Variants in LAMA5 observed in about 807,000 individuals in gnomAD.
The protein encoded by LAMA5 is laminin subunit alpha 5.
In LAMA5, 260 loss-of-function variants were observed where a neutral mutation model predicts 433.4. The observed-to-expected ratio is 0.60, with a 90% CI of 0.54 to 0.66. The LOEUF is 0.66. LAMA5 is among the 30% of genes least tolerant of loss of function. LAMA5 has a pLI of 0.00. For synonymous variants in LAMA5, 2,620 were observed against 2,226.6 expected (o/e 1.18, Z -4.97); for missense variants, 5,378 against 5,258.5 (o/e 1.02, Z -0.70).
chr20:62,320,938 G>A (rs78780333), intron 48 of LAMA5, 48 bp from the exon 49 acceptor site: 8 of 1,567,202 alleles, frequency 5.1e-6, no homozygotes, highest in East Asian at 4.5e-5. Context: ...GTCAGGCCAG[G>A]GGAGAATGAT....
At position 62,312,464 on chromosome 20, in the gene LAMA5, T is replaced by G; in HGVS notation, c.9296A>C (p.Lys3099Thr). The change falls in exon 68 of 80, where the codon AAG becomes ACG. Residue 3099 changes from lysine to threonine, a missense_variant. By Grantham distance (78) the Lys-to-Thr change is moderately conservative (BLOSUM62 -1). Transcript: ENST00000252999. ...GTTCAGCCGCTTGAGGTCCACATAC[T>G]TGCCCAGGGCCTTGATGCCTTTGAC... is the stretch of plus-strand genomic sequence containing the variant. The part of the protein sequence containing the change: ...GCVKGIKALG[K>T]YVDLKRLNTT... 1 of 1,598,334 alleles carries G rather than the reference T, an allele frequency of 6.3e-7. No individual in the cohort carries two copies. The highest frequency in any genetic ancestry group is 8.5e-7 in the Non-Finnish European group (1 of 1,179,620).
In LAMA5 at chr20:62,317,738, T is replaced by A; in HGVS notation, c.7280A>T (p.Gln2427Leu). The A allele has an allele frequency of 6.2e-7, 1 of 1,607,750 alleles. No homozygotes were observed. The highest frequency in any genetic ancestry group is 8.5e-7 in the Non-Finnish European group (1 of 1,178,010). The change falls in exon 54 of 80, where the codon CAG becomes CTG. Residue 2427 changes from glutamine (Q) to leucine (L), a missense_variant. Transcript: ENST00000252999. ...QELSRDNATLQATLHAARDTL... is the reference protein window; with the variant it reads ...QELSRDNATLLATLHAARDTL... ...GTCCCTAGCCGCATGCAGAGTGGCC[T>A]GCAGGGTGGCATTGTCCCGGGACAG...
rs1986230988 is a variant in LAMA5, at chr20:62,311,195, T to C, written c.10055A>G (p.Glu3352Gly). The C allele has an allele frequency of 1.9e-6, 3 of 1,607,864 alleles. No individual in the cohort carries two copies. Among genetic ancestry groups the C allele is most frequent in the Non-Finnish European group, 2.5e-6 (3 of 1,177,978 alleles). Residue 3352 changes from glutamate to glycine, a missense_variant, in exon 73 of 80, where the codon GAG becomes GGG. By Grantham distance (98) the Glu-to-Gly change is moderately conservative. Transcript: ENST00000252999. ...ATGTCGGGCCAGGATGCCCACAAAC[T>C]CCAGGTGACTGGACAGGGAACCCCC... ...QFGGSLSSHLEFVGILARHRN... is the reference protein window; with the variant it reads ...QFGGSLSSHLGFVGILARHRN...
chr20:62,345,938 C>A (rs1983289017), intron 10 of LAMA5, 61 bp from the exon 11 acceptor site: 1 of 1,557,442 alleles, frequency 6.4e-7, no homozygotes, highest in South Asian at 1.2e-5. Context: ...CCCTACACCC[C>A]CTGCCACCCT....
At position 62,328,404 on chromosome 20, in the gene LAMA5, G is replaced by T; in HGVS notation, c.4489C>A (p.Gln1497Lys). 1 of 1,541,752 alleles carries T rather than the reference G, an allele frequency of 6.5e-7. No homozygotes were observed. Among genetic ancestry groups the T allele is most frequent in the East Asian group, 2.3e-5 (1 of 43,230 alleles). ...GARLCDELTG[Q>K]CICPPRTIPP... ...ATGGTGCGTGGCGGGCAGATGCACT[G>T]GCCCGTGAGCTCGTCACAGAGGCGG... Residue 1497 changes from glutamine (Q) to lysine (K), a missense_variant, in exon 35 of 80, where the codon CAG (glutamine) becomes AAG (lysine). By Grantham distance (53) the Gln-to-Lys change is moderately conservative (BLOSUM62 1). Transcript: ENST00000252999.
chr20:62,342,647 C>T (rs1394201166), intron 11 of LAMA5, among the ~76,000 whole-genome samples: 1 of 152,016 alleles, frequency 6.6e-6, no homozygotes, highest in Non-Finnish European at 1.5e-5. Context: ...CCACTGCACT[C>T]CAGTCTGGGC....
Position 62,311,315 on chromosome 20 carries a change from C to T in LAMA5, c.9943-8G>A, listed in dbSNP as rs369751618. On this transcript the variant is annotated splice_polypyrimidine_tract_variant and splice_region_variant and intron_variant, in intron 72 of 79. Transcript: ENST00000252999. ...ACGGCTGCGGCGGGAGGCCTGGGGGCGTGGATGGTGAATGCAGGGGCCGCC... is the reference window on the plus strand; with the variant it reads ...ACGGCTGCGGCGGGAGGCCTGGGGGTGTGGATGGTGAATGCAGGGGCCGCC... The T allele has an allele frequency of 8.4e-6, 13 of 1,556,124 alleles. No homozygotes were observed. The highest frequency in any genetic ancestry group is 2.7e-5 in the African/African-American group (2 of 73,408).
Position 62,320,811 on chromosome 20 carries a change from C to G in LAMA5, c.6576G>C (p.Leu2192=), listed in dbSNP as rs376856312. 2.7e-5 allele frequency: 43 copies of G among 1,612,562 alleles called. No homozygotes were observed. The highest frequency in any genetic ancestry group is 3.4e-5 in the Non-Finnish European group (40 of 1,179,910). ...CCATGGAGCTGGCATTGATGCCACG[C>G]AGTTGCTCGTGAATGGCGGGGAGGA... The part of the protein sequence containing the change: ...GALLPAIHEQ[L]RGINASSMAW... Residue 2192 remains leucine (L), a synonymous_variant, in exon 49 of 80, where the codon CTG becomes CTC. Transcript: ENST00000252999.
intron 1 of LAMA5, among the ~76,000 whole-genome samples, chr20:62,365,698 G>A (rs1051896134): frequency 6.6e-6 from 1 of 152,176 alleles, no homozygotes; most frequent in Non-Finnish European, 1.5e-5. Context: ...AGGCACCCAG[G>A]TTCCCACAGC....
At chr20:62,321,388 GTC>G (rs1987725187) in intron 48 of LAMA5, among the ~76,000 whole-genome samples, 1 of 3,586 alleles carries the variant, frequency 2.8e-4, no homozygotes, top group Non-Finnish European at 8.1e-4. Flanking sequence ...GAGGGGTGGG[GTC>G]AGAGGACGGG....
At chr20:62,316,368 C>A in intron 57 of LAMA5, 1 of 542,864 alleles carries the variant, frequency 1.8e-6, no homozygotes, top group South Asian at 2.4e-5. Flanking sequence ...CAGCTTGGCA[C>A]GCGTGTAGCC....
At chr20:62,327,164 G>A in intron 38 of LAMA5, 69 bp downstream of exon 38, 1 of 1,403,842 alleles carries the variant, frequency 7.1e-7, no homozygotes, top group Non-Finnish European at 9.4e-7. Context: ...CCCCGCTCCT[G>A]GCTCCCAACC....
rs182022269 is a variant in LAMA5, at chr20:62,319,877, C to T, written c.6760-82G>A. 9.1e-5 allele frequency: 97 copies of T among 1,061,042 alleles called. No homozygotes were observed. In the Admixed American group the frequency reaches 1.1e-3, roughly 12 times the overall value. 65.7% of individuals were successfully genotyped at this position (1,061,042 alleles called of 1,614,324 possible). A position where few individuals can be genotyped will look rare whatever the true frequency, so the allele number is the denominator to read the frequency against. On this transcript the variant is annotated intron_variant, in intron 50 of 79. Coordinates refer to ENST00000252999, the MANE Select transcript of LAMA5 (RefSeq NM_005560.6). The stretch of plus-strand genomic sequence containing the variant: ...AGGGAGGGCCTGGGGTCTGGGGGAG[C>T]GCCGAGGGTCCCAGGGAAGAGGGGC...
In LAMA5 at chr20:62,338,228, TCA is replaced by T; in HGVS notation, c.1756+2_1756+3del. On this transcript the variant is annotated splice_donor_variant and splice_donor_region_variant and intron_variant, in intron 13 of 79. Transcript: ENST00000252999. LOFTEE classifies it high-confidence loss of function. ...CCACGCCCACGTGGAGAGGCACCACTCACACTGGCAGAGAGGGAAGTGAAAGT... is the reference window on the plus strand; with the variant it reads ...CCACGCCCACGTGGAGAGGCACCACTCACTGGCAGAGAGGGAAGTGAAAGT... 1 of 1,590,200 alleles carries T rather than the reference TCA, an allele frequency of 6.3e-7. No homozygotes were observed. Among genetic ancestry groups the T allele is most frequent in the Non-Finnish European group, 8.6e-7 (1 of 1,166,720 alleles).
Position 62,322,415 on chromosome 20 carries a change from C to G in LAMA5, c.6200G>C (p.Cys2067Ser). Reference protein sequence around the residue: ...GHFGFDGCGGCRPCACGPAAE... With the variant: ...GHFGFDGCGGSRPCACGPAAE... Reference sequence around the variant, plus strand: ...GGCCGGTCCACAAGCACACGGGCGGCAGCCCCCGCAGCCATCGAAACCAAA... The same window carrying G: ...GGCCGGTCCACAAGCACACGGGCGGGAGCCCCCGCAGCCATCGAAACCAAA... Residue 2067 changes from cysteine to serine, a missense_variant, in exon 47 of 80, where the codon TGC (cysteine) becomes TCC (serine). Transcript: ENST00000252999. 1 of 1,591,350 alleles carries G rather than the reference C, an allele frequency of 6.3e-7. No individual in the cohort carries two copies. Among genetic ancestry groups the G allele is most frequent in the Non-Finnish European group, 8.5e-7 (1 of 1,169,964 alleles).
At position 62,313,664 on chromosome 20, in the gene LAMA5, G is replaced by T; in HGVS notation, c.8643C>A (p.Tyr2881Ter). The T allele has an allele frequency of 6.2e-7, 1 of 1,612,732 alleles. No homozygotes were observed. Among genetic ancestry groups the T allele is most frequent in the Non-Finnish European group, 8.5e-7 (1 of 1,179,948 alleles). The stretch of plus-strand genomic sequence containing the variant: ...GCGGGCTCACCGTGAAGGTACTGGG[G>T]TACCCCCCGACGTAGAAGACGAAGT... Reference protein sequence around the residue: ...PDDFVFYVGGYPSTFTPPPLL... With the variant: ...PDDFVFYVGG Residue 2881 changes from tyrosine (Y) to a stop codon, truncating the protein, a stop_gained, in exon 63 of 80, where the codon TAC (tyrosine) becomes TAA (stop). Transcript: ENST00000252999. LOFTEE classifies it high-confidence loss of function.
At chr20:62,357,093 G>A (rs1985349682) in intron 2 of LAMA5, among the ~76,000 whole-genome samples, 1 of 152,134 alleles carries the variant, frequency 6.6e-6, no homozygotes, top group African/African-American at 2.4e-5. Flanking sequence ...CCATGGGGTG[G>A]GCTGTGGCTG....
In LAMA5 at chr20:62,367,307, G is replaced by C. The variant is rs1266917725; in HGVS notation, c.-62C>G. 2.7e-6 allele frequency: 3 copies of C among 1,106,782 alleles called. No homozygotes were observed. Among genetic ancestry groups the C allele is most frequent in the African/African-American group, 1.7e-5 (1 of 60,202 alleles). The allele number at this position is 1,106,782 out of a possible 1,614,324, so 68.6% of individuals were successfully genotyped here. A position where few individuals can be genotyped will look rare whatever the true frequency, so the allele number is the denominator to read the frequency against. On this transcript the variant is annotated 5_prime_UTR_variant, in exon 1 of 80. Transcript: ENST00000252999. ...ACAGCGCGCGCGGCGGGAGCCCGGC[G>C]GGTCTGAAGCCAGGCGGCCGGCAGG...
chr20:62,363,242 C>T (rs114414674), intron 1 of LAMA5, among the ~76,000 whole-genome samples: 9,525 of 152,250 alleles, frequency 0.063, 350 homozygotes, highest in South Asian at 0.18. Context: ...CCAGAGTGGA[C>T]GTGTGGACAG....
Sources: allele counts gnomAD v4.1 joint callset (sites outside exome capture counted in the v4.1 genomes callset), GRCh38; gene constraint gnomAD v4.1.1; transcripts MANE v1.5; gene names NCBI Gene and HGNC (gene_info 2026-07-23, HGNC 2026-07-21).